GPHN: variants seen among roughly 807,000 people sequenced by gnomAD.
GPHN encodes gephyrin.
A neutral mutation model predicts 95.5 loss-of-function variants in GPHN; 17 were observed. That is an observed-to-expected ratio of 0.18 (90% CI 0.12 to 0.27). GPHN has a LOEUF of 0.27. Ranked by LOEUF, GPHN falls within the 10% of genes least tolerant of loss-of-function variation. GPHN has a pLI of 1.00. For missense variants in GPHN, 660 were observed against 978.1 expected (o/e 0.67, Z 4.34); for synonymous variants, 320 against 322.5 (o/e 0.99, Z 0.08).
chr14:66,776,256 A>G (rs2059379268), intron 2 of GPHN, among the ~76,000 whole-genome samples: 2 of 152,096 alleles, frequency 1.3e-5, no homozygotes, highest in South Asian at 2.1e-4. Flanking sequence ...AAATCTAACA[A>G]TATTTTCTCT....
At chr14:67,043,321 G>A (rs1199713523) in intron 10 of GPHN, among the ~76,000 whole-genome samples, 1 of 152,126 alleles carries the variant, frequency 6.6e-6, no homozygotes, top group Non-Finnish European at 1.5e-5. Context: ...TTTTCAAAGG[G>A]AATGCTTCCA....
chr14:67,392,137 G>A, the GPHN span, among the ~76,000 whole-genome samples: 1 of 152,224 alleles, frequency 6.6e-6, no homozygotes, highest in Admixed American at 6.5e-5. Context: ...ACACATGTGT[G>A]TGTGAGTGTG....
intron 1 of GPHN, among the ~76,000 whole-genome samples, chr14:66,568,202 A>G (rs140644409): frequency 6.6e-6 from 1 of 152,210 alleles, no homozygotes; most frequent in Non-Finnish European, 1.5e-5. Context: ...TAGAATGTTA[A>G]TGAAGCTACA....
chr14:66,906,348 G>C (rs1404547851), intron 5 of GPHN, among the ~76,000 whole-genome samples: 1 of 152,100 alleles, frequency 6.6e-6, no homozygotes, highest in Non-Finnish European at 1.5e-5. Flanking sequence ...GCTTCCCATG[G>C]GTTAAGGCAG....
At chr14:67,242,720 A>G in the GPHN span, among the ~76,000 whole-genome samples, 1 of 152,146 alleles carries the variant, frequency 6.6e-6, no homozygotes, top group Non-Finnish European at 1.5e-5. Context: ...TTAAATTATA[A>G]TGTAAGAGAT....
intron 2 of GPHN, among the ~76,000 whole-genome samples, chr14:66,715,141 G>A (rs1449631066): frequency 2.6e-5 from 4 of 152,038 alleles, no homozygotes; most frequent in African/African-American, 9.7e-5. Flanking sequence ...TTAAATTACT[G>A]TTTCAGTCTT....
At chr14:66,657,676 C>T (rs1278953762) in intron 1 of GPHN, among the ~76,000 whole-genome samples, 2 of 152,098 alleles carry the variant, frequency 1.3e-5, no homozygotes, top group Non-Finnish European at 2.9e-5. Flanking sequence ...AACAACAAAG[C>T]TAAATCACAA....
the GPHN span, chr14:67,722,629 C>T: frequency 1.7e-5 from 27 of 1,612,726 alleles, no homozygotes; most frequent in Non-Finnish European, 2.3e-5. Context: ...ACAGCAGCTA[C>T]AGAAGTTGGA....
intron 1 of GPHN, among the ~76,000 whole-genome samples, chr14:66,592,372 C>G (rs879169272): frequency 6.6e-6 from 1 of 151,298 alleles, no homozygotes; most frequent in Non-Finnish European, 1.5e-5. Context: ...AGGCAGACTA[C>G]AGAATGGGAG....
At chr14:67,305,532 C>T in the GPHN span, among the ~76,000 whole-genome samples, 4 of 152,224 alleles carry the variant, frequency 2.6e-5, no homozygotes, top group East Asian at 1.9e-4. Flanking sequence ...CCACCCGCCT[C>T]GGCCTCCCGA....
At chr14:67,690,820 A>G in the GPHN span, 1 of 369,720 alleles carries the variant, frequency 2.7e-6, no homozygotes, top group Non-Finnish European at 4.9e-6. Context: ...CTGTCTTTAC[A>G]AAAAAAGAGC....
At chr14:67,570,389 A>G in the GPHN span, 1 of 533,626 alleles carries the variant, frequency 1.9e-6, no homozygotes, top group Non-Finnish European at 2.4e-6. Flanking sequence ...AAAAACAAAA[A>G]TCAGATAGAA....
intron 4 of GPHN, among the ~76,000 whole-genome samples, chr14:66,842,474 T>C (rs1257592856): frequency 6.6e-6 from 1 of 152,110 alleles, no homozygotes; most frequent in Non-Finnish European, 1.5e-5. Context: ...TGGAGGTAAG[T>C]GTGAAAGGGG....
intron 1 of GPHN, among the ~76,000 whole-genome samples, chr14:66,646,254 A>G (rs2064737608): frequency 6.6e-6 from 1 of 152,194 alleles, no homozygotes; most frequent in Non-Finnish European, 1.5e-5. Context: ...ACAGTGAGAT[A>G]TTACCTCACA....
At chr14:67,396,187 G>A in the GPHN span, among the ~76,000 whole-genome samples, 4 of 151,454 alleles carry the variant, frequency 2.6e-5, no homozygotes, top group Admixed American at 6.6e-5. Flanking sequence ...TTGCTCTGTC[G>A]CCCAGGCTGG....
chr14:66,939,409 T>G (rs545009688), intron 8 of GPHN, among the ~76,000 whole-genome samples: 7 of 152,062 alleles, frequency 4.6e-5, no homozygotes, highest in Admixed American at 3.9e-4. Context: ...ACCAGAATAA[T>G]TTAGGCATGT....
intron 1 of GPHN, among the ~76,000 whole-genome samples, chr14:66,652,894 T>C (rs1398944283): frequency 2.0e-5 from 3 of 152,130 alleles, no homozygotes. Context: ...GTGCCTATGG[T>C]TATGTTTTGC....
the GPHN span, among the ~76,000 whole-genome samples, chr14:67,221,470 G>A: frequency 6.6e-6 from 1 of 152,194 alleles, no homozygotes; most frequent in African/African-American, 2.4e-5. Context: ...CAAGGAGGCG[G>A]CAGTGTTGGG....
the GPHN span, among the ~76,000 whole-genome samples, chr14:67,676,626 G>A: frequency 1.3e-5 from 2 of 152,180 alleles, no homozygotes; most frequent in Non-Finnish European, 2.9e-5. Flanking sequence ...AAAAGTGTCT[G>A]TGAAGAGTGT....
Sources: allele counts gnomAD v4.1 joint callset (sites outside exome capture counted in the v4.1 genomes callset), GRCh38; gene constraint gnomAD v4.1.1; transcripts MANE v1.5; gene names NCBI Gene and HGNC (gene_info 2026-07-23, HGNC 2026-07-21).